Variants in ASIC2 observed in about 807,000 individuals in gnomAD.
The protein encoded by ASIC2 is acid sensing ion channel subunit 2.
Under a neutral mutation model 57.3 loss-of-function variants are expected in ASIC2, and 25 were observed. The observed-to-expected ratio is 0.44, with a 90% CI of 0.32 to 0.61. The LOEUF is 0.61. Ranked by LOEUF, ASIC2 falls within the 20% of genes least tolerant of loss-of-function variation. ASIC2 has a pLI of 0.06. For synonymous variants in ASIC2, 319 were observed against 307.5 expected, an observed-to-expected ratio of 1.04 and a Z score of -0.39; for missense variants, 641 against 738.1, an observed-to-expected ratio of 0.87 and a Z score of 1.52.
At chr17:33,584,395 C>G (rs1904544717) in intron 1 of ASIC2, among the ~76,000 whole-genome samples, 2 of 152,082 alleles carry the variant, frequency 1.3e-5, no homozygotes, top group South Asian at 4.1e-4. Flanking sequence ...TGAAATTATT[C>G]CAGTTTACCC....
At chr17:33,777,119 T>C (rs1272226636) in intron 1 of ASIC2, among the ~76,000 whole-genome samples, 3 of 152,230 alleles carry the variant, frequency 2.0e-5, no homozygotes, top group African/African-American at 7.2e-5. Context: ...CCATGTAAGC[T>C]GGCGCCCGCT....
At chr17:34,097,789 T>C (rs1205766207) in intron 1 of ASIC2, among the ~76,000 whole-genome samples, 1 of 152,156 alleles carries the variant, frequency 6.6e-6, no homozygotes. Context: ...AAATTAATAC[T>C]GTGTATCTCA....
rs1218256849 is a variant in ASIC2, at chr17:33,016,016, G to T, written c.1545C>A (p.Asp515Glu). The change falls in exon 9 of 10, where the codon GAC becomes GAA. Residue 515 changes from aspartate to glutamate, a missense_variant. By Grantham distance (45) the Asp-to-Glu change is conservative (BLOSUM62 2). Transcript: ENST00000225823. ...CTTCGTCCTCCTCTTTGCCAAGCAGGTCTAATAGCTTCTCTTTGATCAGCT... is the reference window on the plus strand; with the variant it reads ...CTTCGTCCTCCTCTTTGCCAAGCAGTTCTAATAGCTTCTCTTTGATCAGCT... Reference protein sequence around the residue: ...IYELIKEKLLDLLGKEEDEGS... With the variant: ...IYELIKEKLLELLGKEEDEGS... 6.2e-7 allele frequency: 1 copy of T among 1,614,042 alleles called. No individual in the cohort carries two copies.
At chr17:33,311,953 A>T (rs977093009) in intron 1 of ASIC2, among the ~76,000 whole-genome samples, 3 of 152,212 alleles carry the variant, frequency 2.0e-5, no homozygotes, top group Non-Finnish European at 4.4e-5. Context: ...CCATATTGAA[A>T]TACTAAAGCA....
At chr17:33,412,329 G>T (rs1327401670) in intron 1 of ASIC2, among the ~76,000 whole-genome samples, 2 of 152,178 alleles carry the variant, frequency 1.3e-5, no homozygotes. Flanking sequence ...AATTATGATG[G>T]TTCCTGTTCT....
chr17:33,608,341 G>C (rs1905279470), intron 1 of ASIC2, among the ~76,000 whole-genome samples: 1 of 151,474 alleles, frequency 6.6e-6, no homozygotes, highest in Non-Finnish European at 1.5e-5. Flanking sequence ...ATCCCAGTCT[G>C]CTGCTCCTTC....
chr17:33,101,917 T>A (rs2092213511), intron 2 of ASIC2, among the ~76,000 whole-genome samples: 1 of 152,138 alleles, frequency 6.6e-6, no homozygotes, highest in Non-Finnish European at 1.5e-5. Flanking sequence ...GGCTTGCTAG[T>A]ACCCATCACT....
chr17:33,458,157 TGATA>T (rs1307584668), intron 1 of ASIC2, among the ~76,000 whole-genome samples: 1 of 152,100 alleles, frequency 6.6e-6, no homozygotes. Flanking sequence ...GGAAACAGCC[TGATA>T]GATAGAAAGA....
chr17:34,064,351 T>C (rs1046886320), intron 1 of ASIC2, among the ~76,000 whole-genome samples: 22 of 152,158 alleles, frequency 1.4e-4, no homozygotes, highest in Admixed American at 5.9e-4. Flanking sequence ...TGGATCCTCA[T>C]CTCTCACCTT....
intron 1 of ASIC2, among the ~76,000 whole-genome samples, chr17:34,100,155 CTTAAT>C (rs1910807146): frequency 6.7e-6 from 1 of 149,408 alleles, no homozygotes; most frequent in South Asian, 2.1e-4. Context: ...GTAACATTAC[CTTAAT>C]TTAACATTCT....
intron 1 of ASIC2, among the ~76,000 whole-genome samples, chr17:34,151,235 T>C (rs976293678): frequency 1.3e-5 from 2 of 152,110 alleles, no homozygotes; most frequent in African/African-American, 4.8e-5. Context: ...GTATTTCCTG[T>C]GGGCAGCCCC....
chr17:33,193,251 T>A (rs1906496228), intron 1 of ASIC2, among the ~76,000 whole-genome samples: 1 of 152,180 alleles, frequency 6.6e-6, no homozygotes, highest in South Asian at 2.1e-4. Context: ...ATCCAGAGAT[T>A]AGGGACTTAG....
intron 1 of ASIC2, chr17:33,936,110 T>G (rs144079676): frequency 1.9e-3 from 296 of 152,220 alleles, no homozygotes; most frequent in African/African-American, 6.7e-3. Flanking sequence ...AGAGCACAGG[T>G]TGAGTTTGTG....
intron 1 of ASIC2, among the ~76,000 whole-genome samples, chr17:33,381,145 A>G (rs889690784): frequency 2.6e-5 from 4 of 152,210 alleles, no homozygotes; most frequent in African/African-American, 9.6e-5. Context: ...GAACAAAGTG[A>G]AGAACTCTTA....
chr17:33,472,929 C>T (rs6505344), intron 1 of ASIC2, among the ~76,000 whole-genome samples: 107,920 of 151,552 alleles, frequency 0.71, 38,595 homozygotes, highest in African/African-American at 0.79. Context: ...TGTTGTACTT[C>T]CCAAGCAAAT....
chr17:33,067,123 A>T (rs1457903787), intron 3 of ASIC2, among the ~76,000 whole-genome samples: 2 of 142,466 alleles, frequency 1.4e-5, no homozygotes, highest in East Asian at 4.6e-4. Flanking sequence ...GACAATTCTA[A>T]TGGCCAAAAT....
At chr17:33,953,729 C>A (rs1904647802) in intron 1 of ASIC2, among the ~76,000 whole-genome samples, 1 of 152,088 alleles carries the variant, frequency 6.6e-6, no homozygotes, top group African/African-American at 2.4e-5. Flanking sequence ...AAGGAAGAGG[C>A]CAGCTTCCTG....
intron 1 of ASIC2, among the ~76,000 whole-genome samples, chr17:33,250,380 C>G (rs1908838811): frequency 6.6e-6 from 1 of 152,188 alleles, no homozygotes; most frequent in Admixed American, 6.5e-5. Context: ...TAGCCCAGCC[C>G]AGCACTTCGC....
At chr17:34,132,967 G>A (rs967232395) in intron 1 of ASIC2, among the ~76,000 whole-genome samples, 19 of 152,216 alleles carry the variant, frequency 1.2e-4, no homozygotes, top group African/African-American at 2.6e-4. Flanking sequence ...AACCCATCGC[G>A]GCCTGTTTGG....
Sources: allele counts gnomAD v4.1 joint callset (sites outside exome capture counted in the v4.1 genomes callset), GRCh38; gene constraint gnomAD v4.1.1; transcripts MANE v1.5; gene names NCBI Gene and HGNC (gene_info 2026-07-23, HGNC 2026-07-21).